ACIN1: variants seen among roughly 807,000 people sequenced by gnomAD.
The protein encoded by ACIN1 is apoptotic chromatin condensation inducer in the nucleus.
ACIN1 carries 16 observed loss-of-function variants against 146.6 expected under a neutral mutation model. The ratio of observed to expected loss-of-function variants is 0.11; its 90% CI spans 0.07 to 0.17. The LOEUF (loss-of-function observed/expected upper bound fraction) is 0.17, where lower values mean the gene tolerates loss of function less well. Ranked by LOEUF, ACIN1 falls within the 10% of genes least tolerant of loss-of-function variation. ACIN1 has a pLI of 1.00. For missense variants in ACIN1, 1,357 were observed against 1,609.3 expected (o/e 0.84, Z 2.68); for synonymous variants, 569 against 582.7 (o/e 0.98, Z 0.34).
At chr14:23,085,703 G>A (rs2048073905) in intron 4 of ACIN1, among the ~76,000 whole-genome samples, 1 of 152,220 alleles carries the variant, frequency 6.6e-6, no homozygotes, top group Non-Finnish European at 1.5e-5. Flanking sequence ...TCCTTGGAAA[G>A]AGCTGATGTG....
At chr14:23,059,823 T>C (rs2047214206) in intron 18 of ACIN1, among the ~76,000 whole-genome samples, 2 of 150,670 alleles carry the variant, frequency 1.3e-5, no homozygotes, top group South Asian at 2.1e-4. Flanking sequence ...CCGGCTAATT[T>C]TTTTGTATTT....
chr14:23,090,186 C>G, intron 3 of ACIN1, 85 bp from the exon 4 acceptor site: 1 of 1,519,986 alleles, frequency 6.6e-7, no homozygotes, highest in African/African-American at 1.4e-5. Flanking sequence ...GGAGGTCAGG[C>G]AAAGTCACAG....
At chr14:23,078,374 G>A (rs2047855328) in intron 7 of ACIN1, 108 bp from the exon 8 acceptor site, 3 of 785,594 alleles carry the variant, frequency 3.8e-6, no homozygotes, top group African/African-American at 1.7e-5. Context: ...CACAGTACCA[G>A]CTCCACACAC....
At chr14:23,077,976 C>A in intron 8 of ACIN1, 175 bp downstream of exon 8, 1 of 541,764 alleles carries the variant, frequency 1.8e-6, no homozygotes, top group East Asian at 3.4e-5. Flanking sequence ...TTCAGGTTAC[C>A]TTAAAGGTGG....
At chr14:23,071,351 A>C in intron 8 of ACIN1, 1 of 1,521,210 alleles carries the variant, frequency 6.6e-7, no homozygotes, top group South Asian at 1.3e-5. Context: ...AAAATGGTAA[A>C]TGGAAGGGGA....
intron 1 of ACIN1, chr14:23,094,771 G>T: frequency 2.4e-6 from 2 of 825,634 alleles, no homozygotes; most frequent in Non-Finnish European, 1.8e-6. Context: ...ATTTGGGCTC[G>T]CGCTGCTGCC....
chr14:23,094,726 T>C (rs1255533780), intron 1 of ACIN1: 4 of 693,440 alleles, frequency 5.8e-6, no homozygotes, highest in East Asian at 2.9e-5. Flanking sequence ...AGGAAGGAGC[T>C]TAAGACACTC....
At chr14:23,084,965 C>T (rs552683181) in intron 4 of ACIN1, among the ~76,000 whole-genome samples, 8 of 152,004 alleles carry the variant, frequency 5.3e-5, no homozygotes, top group Non-Finnish European at 1.0e-4. Flanking sequence ...GGCAAAGTTC[C>T]TTCACAAGTA....
At chr14:23,065,036 A>G (rs1046672314) in intron 10 of ACIN1, among the ~76,000 whole-genome samples, 3 of 152,222 alleles carry the variant, frequency 2.0e-5, no homozygotes, top group South Asian at 2.1e-4. Context: ...CAGTAATATC[A>G]AGTAGTGTGG....
At chr14:23,066,144 A>G in intron 9 of ACIN1, 136 bp from the exon 10 acceptor site, 1 of 670,398 alleles carries the variant, frequency 1.5e-6, no homozygotes, top group South Asian at 1.9e-5. Context: ...ACAGAGAGAG[A>G]CACAGAGACA....
Position 23,067,504 on chromosome 14 carries a change from C to CG in ACIN1, c.2266-1497dup. On this transcript the variant is annotated intron_variant, in intron 9 of 18. Coordinates refer to ENST00000605057, the MANE Select transcript of ACIN1 (RefSeq NM_001386863.1). The surrounding 1 kb of genome is among the most constrained non-coding windows in gnomAD (Gnocchi z 4.6). ...AGTCCTCCCAGGGGCGCAGGGGGGG[C>CG]GGGAGGGAAACGTGTGGGGGGACGC... is the stretch of plus-strand genomic sequence containing the variant. The CG allele has an allele frequency of 6.2e-6, 1 of 161,558 alleles. No individual in the cohort carries two copies. Among genetic ancestry groups the CG allele is most frequent in the Non-Finnish European group, 8.7e-6 (1 of 115,334 alleles). 10.0% of individuals were successfully genotyped at this position (161,558 alleles called of 1,614,324 possible).
At chr14:23,084,211 T>A (rs920706196) in intron 4 of ACIN1, among the ~76,000 whole-genome samples, 1 of 152,192 alleles carries the variant, frequency 6.6e-6, no homozygotes, top group South Asian at 2.1e-4. Context: ...CCTCCCAAAG[T>A]GCTGGGATTA....
At chr14:23,092,850 T>C (rs1303383035) in intron 2 of ACIN1, among the ~76,000 whole-genome samples, 1 of 152,108 alleles carries the variant, frequency 6.6e-6, no homozygotes, top group African/African-American at 2.4e-5. Flanking sequence ...CCTAGGAAGC[T>C]CCCCAAAGCA....
At chr14:23,074,028 C>T (rs1195185796) in intron 8 of ACIN1, among the ~76,000 whole-genome samples, 4 of 151,472 alleles carry the variant, frequency 2.6e-5, no homozygotes, top group Admixed American at 6.6e-5. Flanking sequence ...TTAGTAGAAA[C>T]GGGGTTTCAC....
intron 10 of ACIN1, among the ~76,000 whole-genome samples, chr14:23,065,485 C>T (rs1326564288): frequency 6.6e-6 from 1 of 152,048 alleles, no homozygotes; most frequent in Admixed American, 6.6e-5. Context: ...ACTCAGGAGG[C>T]GGAGGAGGAT....
intron 4 of ACIN1, among the ~76,000 whole-genome samples, chr14:23,089,735 T>C (rs545006070): frequency 1.3e-5 from 2 of 151,788 alleles, no homozygotes; most frequent in East Asian, 1.9e-4. Flanking sequence ...GGTAGAAGAG[T>C]TGAAGAGGTA....
At chr14:23,082,488 C>G (rs889626900) in intron 4 of ACIN1, among the ~76,000 whole-genome samples, 7 of 148,610 alleles carry the variant, frequency 4.7e-5, no homozygotes, top group African/African-American at 1.7e-4. Context: ...CTCTGTCACC[C>G]AGGCTGGATG....
chr14:23,090,807 A>G (rs527757970), intron 2 of ACIN1, among the ~76,000 whole-genome samples, 174 bp from the exon 3 acceptor site: 1 of 152,356 alleles, frequency 6.6e-6, no homozygotes, highest in South Asian at 2.1e-4. Flanking sequence ...AATAGCCTTG[A>G]GTCACACACA....
chr14:23,080,525 G>C lies in ACIN1; in HGVS notation c.810C>G (p.Ser270=), dbSNP rs1414664030. Residue 270 remains serine, a synonymous_variant, in exon 6 of 19, where the codon TCC becomes TCG. Coordinates refer to ENST00000605057, the MANE Select transcript of ACIN1 (RefSeq NM_001386863.1). ...EMMDERPKTR[S]QEQEVLERGG... ...CTCTCTCTAACACCTCCTGTTCCTG[G>C]GATCTTGTTTTGGGTCTCTCATCCA... 6.2e-7 allele frequency: 1 copy of C among 1,613,868 alleles called. No homozygotes were observed. The highest frequency in any genetic ancestry group is 8.5e-7 in the Non-Finnish European group (1 of 1,179,966).
Sources: gnomAD v4.1 joint callset for allele counts (sites outside exome capture counted in the v4.1 genomes callset) on GRCh38, gnomAD v4.1.1 for gene constraint, Gnocchi (gnomAD v3.1) non-coding constraint, MANE v1.5 for transcripts, NCBI Gene and HGNC (gene_info 2026-07-23, HGNC 2026-07-21) for gene names.